The following MAP1S variants were observed in gnomAD, a reference collection of about 807,000 sequenced individuals.
MAP1S encodes the protein microtubule associated protein 1S, also known as microtubule-associated protein 1S.
In MAP1S, 27 loss-of-function variants were observed where a neutral mutation model predicts 60.9. The observed-to-expected ratio is 0.44, with a 90% CI of 0.33 to 0.61. The LOEUF is 0.61. MAP1S is among the 20% of genes least tolerant of loss of function. The probability of loss-of-function intolerance (pLI) is 0.03; values close to 1 mark genes in which losing one functional copy is unlikely to be tolerated. For missense variants in MAP1S, 1,608 were observed against 1,486.6 expected, an observed-to-expected ratio of 1.08 and a Z score of -1.34; for synonymous variants, 826 against 694.2, an observed-to-expected ratio of 1.19 and a Z score of -2.98.
intron 1 of MAP1S, 144 bp from the exon 2 acceptor site, chr19:17,720,792 G>A: frequency 1.4e-6 from 1 of 712,642 alleles, no homozygotes; most frequent in Non-Finnish European, 2.5e-6. Context: ...GAGACCTGAA[G>A]GTGTTGGGTA....
rs773981769 is a variant in MAP1S, at chr19:17,727,457, G to A, written c.2073G>A (p.Ser691=). ...CCGCAGAGGTGGGCTCCCCGCACTC[G>A]ACCGAGGTGGACGAGTCCCTGTCGG... The part of the protein sequence containing the change: ...SLPAEVGSPH[S]TEVDESLSVS... Residue 691 remains serine (S), a synonymous_variant, in exon 5 of 7, where the codon TCG becomes TCA. Coordinates refer to ENST00000324096, the MANE Select transcript of MAP1S (RefSeq NM_018174.6). This position sits in a 1 kb window ranked among gnomAD's most constrained non-coding sequence, Gnocchi z 4.1. 7 of 1,605,486 alleles carry A rather than the reference G, an allele frequency of 4.4e-6. No individual in the cohort carries two copies. The highest frequency in any genetic ancestry group is 2.2e-5 in the South Asian group (2 of 90,020).
chr19:17,730,830 T>C (rs1599466599), intron 5 of MAP1S, among the ~76,000 whole-genome samples: 7 of 152,092 alleles, frequency 4.6e-5, no homozygotes, highest in Admixed American at 4.6e-4. Flanking sequence ...TCTTTTGTTG[T>C]CTGCACTTTT....
chr19:17,728,088 C>T lies in MAP1S; in HGVS notation c.2704C>T (p.Arg902Trp), dbSNP rs750408025. The change falls in exon 5 of 7, where the codon CGG becomes TGG. Residue 902 changes from arginine (R) to tryptophan (W), a missense_variant. Arg to Trp is a moderately radical substitution (Grantham distance 101). Around this residue, in one of 4 missense-constraint regions of MAP1S, gnomAD observed 1,167 missense variants for 961.4 expected, o/e 1.21. Transcript: ENST00000324096. ...GDRASRPLSA[R>W]SEPSEKGGRA... ...CCGTGCCAGCCGACCACTCAGTGCC[C>T]GGAGTGAGCCCAGTGAGAAGGGAGG... 27 of 1,612,568 alleles carry T rather than the reference C, an allele frequency of 1.7e-5. No individual in the cohort carries two copies. Among genetic ancestry groups the T allele is most frequent in the East Asian group, 4.5e-5 (2 of 44,882 alleles).
rs1051567899 is a variant in MAP1S at position 17,727,141 on chromosome 19, T to A, written c.1757T>A (p.Leu586His). 4.4e-6 allele frequency: 7 copies of A among 1,590,890 alleles called. No individual in the cohort carries two copies. Among genetic ancestry groups the A allele is most frequent in the Non-Finnish European group, 6.0e-6 (7 of 1,171,882 alleles). ...AATGGACCCCGCAGCCCGCCCAGCC[T>A]CCGATGTGGAGAAGCCAGCCCCCCC... ...VANGPRSPPS[L>H]RCGEASPPSA... Residue 586 changes from leucine to histidine, a missense_variant, in exon 5 of 7, where the codon CTC (leucine) becomes CAC (histidine). Physicochemically the swap from Leu to His is moderately conservative, Grantham distance 99 (BLOSUM62 -3). Coordinates refer to ENST00000324096, the MANE Select transcript of MAP1S (RefSeq NM_018174.6). The surrounding 1 kb of genome is among the most constrained non-coding windows in gnomAD (Gnocchi z 4.1).
chr19:17,726,376 C>T lies in MAP1S; in HGVS notation c.992C>T (p.Ser331Phe). The T allele has an allele frequency of 6.3e-7, 1 of 1,596,052 alleles. No homozygotes were observed. Among genetic ancestry groups the T allele is most frequent in the Non-Finnish European group, 8.5e-7 (1 of 1,177,548 alleles). ...GACGACAGGCTGCGCAGGCTCATCT[C>T]CCCCAACCTGGGGGTCGTGTTCTTC... ...SWDDRLRRLISPNLGVVFFNA... is the reference protein window; with the variant it reads ...SWDDRLRRLIFPNLGVVFFNA... The change falls in exon 5 of 7, where the codon TCC (serine) becomes TTC (phenylalanine). Residue 331 changes from serine (S) to phenylalanine (F), a missense_variant. Around this residue, in one of 4 missense-constraint regions of MAP1S, gnomAD observed 1,167 missense variants for 961.4 expected, o/e 1.21. Coordinates refer to ENST00000324096, the MANE Select transcript of MAP1S (RefSeq NM_018174.6).
rs1348711528 is a variant in MAP1S, at chr19:17,720,550, G to A, written c.119-386G>A. The A allele has an allele frequency of 4.1e-6, 6 of 1,448,246 alleles. No homozygotes were observed. In the Middle Eastern group the frequency reaches 1.0e-3, roughly 244 times the overall value. 89.7% of individuals were successfully genotyped at this position (1,448,246 alleles called of 1,614,324 possible). On this transcript the variant is annotated intron_variant, in intron 1 of 6. Transcript: ENST00000324096. ...GAGAGGACAGTCAGTCTTAGCACCC[G>A]AAGGTGCTGAGGGGGAAGGGCCCCC...
At chr19:17,729,765 C>T (rs941506718) in intron 5 of MAP1S, among the ~76,000 whole-genome samples, 11 of 152,104 alleles carry the variant, frequency 7.2e-5, no homozygotes, top group East Asian at 1.9e-4. Flanking sequence ...CGGGGTCAAG[C>T]GATTCTCCTA....
intron 5 of MAP1S, among the ~76,000 whole-genome samples, chr19:17,732,235 T>C (rs1483830596): frequency 6.6e-6 from 1 of 152,194 alleles, no homozygotes; most frequent in African/African-American, 2.4e-5. Context: ...TATGTGCTGA[T>C]TTTCTATTTT....
intron 1 of MAP1S, chr19:17,720,425 A>G (rs1215267858): frequency 2.6e-6 from 4 of 1,535,152 alleles, no homozygotes; most frequent in East Asian, 2.4e-5. Flanking sequence ...AGCCCTGCCA[A>G]CACAGGTCTG....
intron 1 of MAP1S, chr19:17,720,116 C>T (rs923311376): frequency 5.6e-6 from 7 of 1,240,270 alleles, no homozygotes; most frequent in Non-Finnish European, 1.0e-6. Flanking sequence ...GGGGTGTGGG[C>T]GGGTGCGGCC....
chr19:17,727,035 C>A lies in MAP1S; in HGVS notation c.1651C>A (p.Leu551Ile). The A allele has an allele frequency of 6.2e-7, 1 of 1,605,096 alleles. No individual in the cohort carries two copies. The highest frequency in any genetic ancestry group is 8.5e-7 in the Non-Finnish European group (1 of 1,176,844). Residue 551 changes from leucine to isoleucine, a missense_variant, in exon 5 of 7, where the codon CTC becomes ATC. Transcript: ENST00000324096. The surrounding 1 kb of genome is among the most constrained non-coding windows in gnomAD (Gnocchi z 4.1). Reference protein sequence around the residue: ...VRRAASSVPNLKKTNAQAAPK... With the variant: ...VRRAASSVPNIKKTNAQAAPK... ...CCGGGCAGCCTCTTCTGTGCCCAAC[C>A]TCAAGAAGACGAATGCCCAGGCGGC... is the stretch of plus-strand genomic sequence containing the variant.
intron 2 of MAP1S, among the ~76,000 whole-genome samples, chr19:17,723,543 C>T (rs546183705): frequency 1.4e-3 from 190 of 134,994 alleles, no homozygotes; most frequent in Admixed American, 2.2e-3. Flanking sequence ...AGCAAAACTC[C>T]GTCTCAAAAA....
Position 17,724,170 on chromosome 19 carries a change from G to C in MAP1S, c.265G>C (p.Val89Leu). 6.2e-7 allele frequency: 1 copy of C among 1,613,930 alleles called. No individual in the cohort carries two copies. ...CCGTGGAGACAACCTGGAGACCCTG[G>C]TCCTCCTGAACCCATCAGACAAGTC... is the stretch of plus-strand genomic sequence containing the variant. ...HHRGDNLETL[V>L]LLNPSDKSLY... The change falls in exon 3 of 7, where the codon GTC (valine) becomes CTC (leucine). Residue 89 changes from valine to leucine, a missense_variant. By Grantham distance (32) the Val-to-Leu change is conservative. Around this residue, in one of 4 missense-constraint regions of MAP1S, gnomAD observed 320 missense variants for 393.1 expected, o/e 0.81. Transcript: ENST00000324096.
Position 17,726,244 on chromosome 19 carries a change from C to T in MAP1S, c.860C>T (p.Ala287Val). The change falls in exon 5 of 7, where the codon GCC (alanine) becomes GTC (valine). Residue 287 changes from alanine (A) to valine (V), a missense_variant. Around this residue, in one of 4 missense-constraint regions of MAP1S, gnomAD observed 320 missense variants for 393.1 expected, o/e 0.81. Transcript: ENST00000324096. Reference protein sequence around the residue: ...KLVRHLDRVDAVLVTHPGADS... With the variant: ...KLVRHLDRVDVVLVTHPGADS... ...GTGCGGCACCTGGACCGCGTGGATG[C>T]CGTGCTGGTGACCCACCCTGGCGCC... 1 of 1,607,562 alleles carries T rather than the reference C, an allele frequency of 6.2e-7. No individual in the cohort carries two copies. Among genetic ancestry groups the T allele is most frequent in the Non-Finnish European group, 8.5e-7 (1 of 1,177,484 alleles).
intron 5 of MAP1S, among the ~76,000 whole-genome samples, chr19:17,732,523 G>T (rs184568678): frequency 3.3e-5 from 5 of 152,126 alleles, no homozygotes; most frequent in Admixed American, 3.3e-4. Context: ...TGTCTCATCC[G>T]CATCCAGCAT....
intron 5 of MAP1S, among the ~76,000 whole-genome samples, chr19:17,730,896 T>C (rs2080487522): frequency 2.1e-5 from 3 of 144,196 alleles, no homozygotes; most frequent in Admixed American, 7.0e-5. Flanking sequence ...TTTCTTTTTC[T>C]TTTTTTTTTT....
Position 17,726,784 on chromosome 19 carries a change from CG to C in MAP1S, c.1404del (p.Arg469GlufsTer57). ...GTGACGCCCCAGGACCTGGAGGGGC[CG>C]GGGCGAGCCGAGAGCAAAGAGAGCG... The part of the protein sequence containing the change: ...PVVTPQDLEG[P>X]GRAESKESVG... On this transcript the variant is annotated frameshift_variant, in exon 5 of 7. Coordinates refer to ENST00000324096, the MANE Select transcript of MAP1S (RefSeq NM_018174.6). LOFTEE classifies it high-confidence loss of function. 6.6e-7 allele frequency: 1 copy of C among 1,526,708 alleles called. No homozygotes were observed. Among genetic ancestry groups the C allele is most frequent in the Non-Finnish European group, 8.8e-7 (1 of 1,140,238 alleles). The allele number at this position is 1,526,708 out of a possible 1,614,324, so 94.6% of individuals were successfully genotyped here.
rs534778227 is a variant in MAP1S at position 17,726,599 on chromosome 19, C to G, written c.1215C>G (p.Ala405=). Reference sequence around the variant, plus strand: ...TGCTGCACCCGCCCTCCGCCGGCGCCGAGCGCACGCTGGCCTCTGTGTGCG... The same window carrying G: ...TGCTGCACCCGCCCTCCGCCGGCGCGGAGCGCACGCTGGCCTCTGTGTGCG... ...MYVLHPPSAG[A]ERTLASVCAL... Residue 405 remains alanine, a synonymous_variant, in exon 5 of 7, where the codon GCC becomes GCG. Coordinates refer to ENST00000324096, the MANE Select transcript of MAP1S (RefSeq NM_018174.6). The G allele has an allele frequency of 6.4e-7, 1 of 1,570,802 alleles. No homozygotes were observed.
chr19:17,719,680 C>G, intron 1 of MAP1S, 60 bp downstream of exon 1: 1 of 958,354 alleles, frequency 1.0e-6, no homozygotes, highest in Non-Finnish European at 1.3e-6. Flanking sequence ...CGCGTCTGGG[C>G]CCGGGGCCGG....
Sources: allele counts gnomAD v4.1 joint callset (sites outside exome capture counted in the v4.1 genomes callset), GRCh38; gene constraint gnomAD v4.1.1; regional missense constraint gnomAD v4.1.1; non-coding constraint Gnocchi (gnomAD v3.1); transcripts MANE v1.5; gene names NCBI Gene and HGNC (gene_info 2026-07-23, HGNC 2026-07-21).